The following MS4A4E variants were observed in gnomAD, a reference collection of about 807,000 sequenced individuals.
MS4A4E encodes membrane spanning 4-domains A4E.
A neutral mutation model predicts 13.3 loss-of-function variants in MS4A4E; 23 were observed. The ratio of observed to expected loss-of-function variants is 1.73; its 90% confidence interval spans 1.25 to 2.45. MS4A4E has a LOEUF of 2.45. MS4A4E is among the 30% of genes most tolerant of loss of function. The probability of loss-of-function intolerance (pLI) is 0.00; values close to 1 mark genes in which losing one functional copy is unlikely to be tolerated. For synonymous variants in MS4A4E, 36 were observed against 45.6 expected, an observed-to-expected ratio of 0.79 and a Z score of 0.85; for missense variants, 144 against 131.2, an observed-to-expected ratio of 1.10 and a Z score of -0.48.
chr11:60,229,821 A>G (rs1372230604), intron 2 of MS4A4E, 91 bp downstream of exon 2: 4 of 1,313,686 alleles, frequency 3.0e-6, no homozygotes, highest in Non-Finnish European at 4.1e-6. Flanking sequence ...ATGTATTATG[A>G]GGCTAGCGGG....
At chr11:60,223,037 G>A (rs575347189) in intron 3 of MS4A4E, among the ~76,000 whole-genome samples, 1 of 151,806 alleles carries the variant, frequency 6.6e-6, no homozygotes, top group Non-Finnish European at 1.5e-5. Context: ...GAAGGTTTTG[G>A]TCACTCCACC....
chr11:60,234,785 C>T (rs1031134342), intron 1 of MS4A4E, among the ~76,000 whole-genome samples: 3 of 115,414 alleles, frequency 2.6e-5, no homozygotes, highest in East Asian at 2.6e-4. Context: ...CAACCCCCCC[C>T]CCCAAAATAA....
chr11:60,236,153 A>G (rs112101891), intron 1 of MS4A4E, among the ~76,000 whole-genome samples: 70 of 152,208 alleles, frequency 4.6e-4, no homozygotes, highest in African/African-American at 1.7e-3. Flanking sequence ...ATTCTATTCC[A>G]TTGTTCTATA....
In MS4A4E at chr11:60,214,512, G is replaced by C. The variant is rs1411063910; in HGVS notation, c.222+59C>G. On this transcript the variant is annotated intron_variant, in intron 4 of 8. Coordinates refer to ENST00000651255, the MANE Select transcript of MS4A4E (RefSeq NM_001393391.1). ...CAAACAAAACCTGTTTTATACCCTG[G>C]CAGAATACATTATTGATTAATCCTT... 9 of 1,218,272 alleles carry C rather than the reference G, an allele frequency of 7.4e-6. No individual in the cohort carries two copies. In the South Asian group the frequency reaches 1.4e-4, roughly 19 times the overall value. 75.5% of individuals were successfully genotyped at this position (1,218,272 alleles called of 1,614,324 possible).
intron 1 of MS4A4E, among the ~76,000 whole-genome samples, chr11:60,233,612 T>G (rs951129346): frequency 6.6e-6 from 1 of 152,208 alleles, no homozygotes; most frequent in Non-Finnish European, 1.5e-5. Flanking sequence ...GCACAAGCTG[T>G]AAACCTTGGT....
intron 1 of MS4A4E, among the ~76,000 whole-genome samples, chr11:60,231,281 A>G (rs1056142700): frequency 6.6e-6 from 1 of 151,930 alleles, no homozygotes; most frequent in African/African-American, 2.4e-5. Context: ...AAATTATAAA[A>G]TAAGAAGTTA....
chr11:60,241,623 C>T (rs891532910), intron 1 of MS4A4E, among the ~76,000 whole-genome samples: 1 of 152,084 alleles, frequency 6.6e-6, no homozygotes, highest in Admixed American at 6.5e-5. Flanking sequence ...TAACTGCCTC[C>T]TATCTTTACA....
At chr11:60,222,247 GACT>G (rs1396306934) in intron 3 of MS4A4E, among the ~76,000 whole-genome samples, 1 of 152,212 alleles carries the variant, frequency 6.6e-6, no homozygotes, top group Non-Finnish European at 1.5e-5. Flanking sequence ...CTTCTGGCAA[GACT>G]ACAATCCAAG....
chr11:60,231,112 TA>T, intron 1 of MS4A4E, among the ~76,000 whole-genome samples: 1 of 152,206 alleles, frequency 6.6e-6, no homozygotes, highest in African/African-American at 2.4e-5. Context: ...TATCTAGCAA[TA>T]AAATTGATTA....
chr11:60,216,635 A>T (rs1190511657), intron 3 of MS4A4E, among the ~76,000 whole-genome samples: 1 of 151,034 alleles, frequency 6.6e-6, no homozygotes, highest in African/African-American at 2.4e-5. Context: ...TCATATGTAT[A>T]TATATATATT....
intron 5 of MS4A4E, among the ~76,000 whole-genome samples, 171 bp from the exon 6 acceptor site, chr11:60,208,865 C>T (rs2084082540): frequency 1.3e-5 from 2 of 152,220 alleles, no homozygotes; most frequent in South Asian, 4.1e-4. Flanking sequence ...AGTAGCTTCT[C>T]ACTTTTTTCA....
At chr11:60,214,508 C>T (rs79560910) in intron 4 of MS4A4E, 63 bp downstream of exon 4, 3 of 1,185,712 alleles carry the variant, frequency 2.5e-6, no homozygotes, top group South Asian at 1.6e-5. Flanking sequence ...TGTTTTATAC[C>T]CTGGCAGAAT....
intron 1 of MS4A4E, among the ~76,000 whole-genome samples, chr11:60,239,754 G>A (rs543165658): frequency 6.6e-6 from 1 of 152,244 alleles, no homozygotes; most frequent in African/African-American, 2.4e-5. Context: ...ACATTTTATT[G>A]AGTAGGTATA....
chr11:60,216,430 G>C (rs769898207), intron 3 of MS4A4E, among the ~76,000 whole-genome samples: 5 of 152,100 alleles, frequency 3.3e-5, no homozygotes, highest in Non-Finnish European at 5.9e-5. Context: ...TTGTGATCTT[G>C]AGCAAGTTAC....
At chr11:60,241,246 G>T (rs1474496519) in intron 1 of MS4A4E, among the ~76,000 whole-genome samples, 2 of 152,096 alleles carry the variant, frequency 1.3e-5, no homozygotes, top group Non-Finnish European at 2.9e-5. Flanking sequence ...GGATGGTCTC[G>T]ATCCTCTGAC....
At chr11:60,223,463 A>G (rs1332294014) in intron 3 of MS4A4E, among the ~76,000 whole-genome samples, 1 of 152,068 alleles carries the variant, frequency 6.6e-6, no homozygotes, top group Non-Finnish European at 1.5e-5. Flanking sequence ...TGACTTCAGG[A>G]GATGTGTGTG....
At chr11:60,207,584 AG>A (rs1204165428) in intron 6 of MS4A4E, among the ~76,000 whole-genome samples, 3 of 152,158 alleles carry the variant, frequency 2.0e-5, no homozygotes, top group African/African-American at 7.2e-5. Context: ...ATGATGGAGA[AG>A]GGCACCAGAG....
chr11:60,237,666 T>G (rs2084500674), intron 1 of MS4A4E, among the ~76,000 whole-genome samples: 1 of 152,180 alleles, frequency 6.6e-6, no homozygotes, highest in African/African-American at 2.4e-5. Flanking sequence ...AAGGGGGCAT[T>G]TCATTATGGT....
intron 4 of MS4A4E, among the ~76,000 whole-genome samples, chr11:60,214,195 C>T (rs368508154): frequency 1.3e-5 from 2 of 152,214 alleles, no homozygotes; most frequent in East Asian, 1.9e-4. Flanking sequence ...CATGAGCCAC[C>T]GCGCCCGGCC....
Sources: allele counts gnomAD v4.1 joint callset (sites outside exome capture counted in the v4.1 genomes callset), GRCh38; gene constraint gnomAD v4.1.1; transcripts MANE v1.5; gene names NCBI Gene and HGNC (gene_info 2026-07-23, HGNC 2026-07-21).